The following TAF15 variants were observed in gnomAD, a reference collection of about 807,000 sequenced individuals.
TAF15 encodes TATA-binding protein-associated factor 2N.
In TAF15, 37 loss-of-function variants were observed where a neutral mutation model predicts 102.5. That is an observed-to-expected ratio of 0.36 (90% CI 0.28 to 0.47). TAF15 has a LOEUF of 0.47. Ranked by LOEUF, TAF15 falls within the 20% of genes least tolerant of loss-of-function variation. The probability of loss-of-function intolerance (pLI) is 0.99; values close to 1 mark genes in which losing one functional copy is unlikely to be tolerated. For missense variants in TAF15, 652 were observed against 760.7 expected (o/e 0.86, Z 1.68); for synonymous variants, 273 against 259.2 (o/e 1.05, Z -0.51).
chr17:35,826,724 ATTTTTTTTTTTT>A, intron 7 of TAF15, among the ~76,000 whole-genome samples: 1 of 127,972 alleles, frequency 7.8e-6, no homozygotes, highest in Admixed American at 7.9e-5. Context: ...CACCCGGCTA[ATTTTTTTTTTTT>A]TTTTTTTTTT....
chr17:35,837,369 G>A (rs1312175064), intron 10 of TAF15, among the ~76,000 whole-genome samples: 1 of 150,542 alleles, frequency 6.6e-6, no homozygotes, highest in Non-Finnish European at 1.5e-5. Flanking sequence ...TGCCCAGGCT[G>A]GTCTTGAGCT....
intron 1 of TAF15, among the ~76,000 whole-genome samples, chr17:35,813,203 T>G (rs917708194): frequency 6.7e-6 from 1 of 150,114 alleles, no homozygotes; most frequent in East Asian, 2.0e-4. Context: ...ACGTTTAGAA[T>G]TAATTAGGAA....
In TAF15 at chr17:35,846,951, G is replaced by GT. The variant is rs2087630615; in HGVS notation, c.*10dup. On this transcript the variant is annotated 3_prime_UTR_variant, in exon 16 of 16. Coordinates refer to ENST00000605844, the MANE Select transcript of TAF15 (RefSeq NM_139215.3). Reference sequence around the variant, plus strand: ...AGCGCAACCGACCATACTGATGACTGTTTTGAATGTTCCTTTGTCTCTGAC... The same window carrying GT: ...AGCGCAACCGACCATACTGATGACTGTTTTTGAATGTTCCTTTGTCTCTGAC... 6.2e-7 allele frequency: 1 copy of GT among 1,613,860 alleles called. No homozygotes were observed.
chr17:35,817,966 A>G (rs2087214308), intron 2 of TAF15, among the ~76,000 whole-genome samples: 1 of 152,222 alleles, frequency 6.6e-6, no homozygotes, highest in Non-Finnish European at 1.5e-5. Flanking sequence ...TGTTTTGCTC[A>G]GGCTGGAGTG....
chr17:35,840,637 A>G (rs1189025878), intron 11 of TAF15, among the ~76,000 whole-genome samples: 2 of 151,832 alleles, frequency 1.3e-5, no homozygotes, highest in South Asian at 2.1e-4. Flanking sequence ...AGGCTGAGGC[A>G]GGTGGATCAC....
chr17:35,845,711 A>G (rs4251791), intron 15 of TAF15, among the ~76,000 whole-genome samples: 40,559 of 151,950 alleles, frequency 0.27, 6,410 homozygotes, highest in African/African-American at 0.44. Context: ...GGGTTTCACC[A>G]TGTTAGACCT....
chr17:35,834,740 CTTTTTTTT>C lies in TAF15; in HGVS notation c.673+157_673+164del, dbSNP rs533058888. On this transcript the variant is annotated intron_variant, in intron 9 of 15. Coordinates refer to ENST00000605844, the MANE Select transcript of TAF15 (RefSeq NM_139215.3). ...CTGCCAGAACTGGGGAGCTTTATTTCTTTTTTTTTTTTTTTTTTTTTTGAGATGGAGTT... is the reference window on the plus strand; with the variant it reads ...CTGCCAGAACTGGGGAGCTTTATTTCTTTTTTTTTTTTTTGAGATGGAGTT... 15 of 236,400 alleles carry C rather than the reference CTTTTTTTT, an allele frequency of 6.3e-5. 1 individual carries two copies. Among genetic ancestry groups the C allele is most frequent in the African/African-American group, 4.1e-4 (8 of 19,380 alleles). 14.6% of individuals were successfully genotyped at this position (236,400 alleles called of 1,614,324 possible).
chr17:35,812,256 G>A lies in TAF15; in HGVS notation c.7+2680G>A, dbSNP rs551181837. 5.9e-5 allele frequency among the ~76,000 whole-genome samples: 9 copies of A among 152,232 alleles called. 1 individual carries two copies. The highest frequency in any genetic ancestry group is 3.9e-4 in the East Asian group (2 of 5,190). The stretch of plus-strand genomic sequence containing the variant: ...CCAGGAAACTTTAAGACAAATTAAC[G>A]TAAAAATGGTTTCTGGGCTGGTAAT... On this transcript the variant is annotated intron_variant, in intron 1 of 15. Transcript: ENST00000605844.
At chr17:35,821,358 AT>A (rs971847386) in intron 5 of TAF15, among the ~76,000 whole-genome samples, 4 of 152,190 alleles carry the variant, frequency 2.6e-5, no homozygotes, top group Non-Finnish European at 5.9e-5. Flanking sequence ...TTAGTTTTAA[AT>A]TTAAGGAGAA....
At position 35,841,325 on chromosome 17, in the gene TAF15, A is replaced by G. The variant is rs572785204; in HGVS notation, c.914-1042A>G. 2.0e-5 allele frequency among the ~76,000 whole-genome samples: 3 copies of G among 152,372 alleles called. No homozygotes were observed. The South Asian group carries it at 6.2e-4, about 32-fold the overall frequency. Reference sequence around the variant, plus strand: ...ATGTGTAGATAAATACGTACATGTTACTGCACTTGCGCACGTATTCATTCC... The same window carrying G: ...ATGTGTAGATAAATACGTACATGTTGCTGCACTTGCGCACGTATTCATTCC... On this transcript the variant is annotated intron_variant, in intron 11 of 15. Coordinates refer to ENST00000605844, the MANE Select transcript of TAF15 (RefSeq NM_139215.3).
intron 7 of TAF15, among the ~76,000 whole-genome samples, chr17:35,829,084 C>CTTA (rs2087366224): frequency 6.6e-6 from 1 of 152,102 alleles, no homozygotes; most frequent in Admixed American, 6.6e-5. Context: ...CATTGAGTCA[C>CTTA]TTAAATGTGG....
At chr17:35,811,574 C>T (rs188275824) in intron 1 of TAF15, 1 of 151,976 alleles carries the variant, frequency 6.6e-6, no homozygotes, top group East Asian at 1.9e-4. Context: ...TATTAAAATC[C>T]CCCAAAACAA....
intron 5 of TAF15, among the ~76,000 whole-genome samples, 185 bp from the exon 6 acceptor site, chr17:35,822,455 G>A (rs983650343): frequency 6.6e-6 from 1 of 151,694 alleles, no homozygotes; most frequent in African/African-American, 2.4e-5. Context: ...CCTCTTCAAT[G>A]TTGGCAGAAT....
intron 10 of TAF15, 104 bp from the exon 11 acceptor site, chr17:35,838,316 TATGA>T: frequency 7.0e-7 from 1 of 1,433,302 alleles, no homozygotes. Context: ...TATTTTATAG[TATGA>T]ATGTGTGAAT....
intron 1 of TAF15, chr17:35,809,821 C>G (rs1459630885): frequency 1.7e-6 from 1 of 603,312 alleles, no homozygotes; most frequent in African/African-American, 1.9e-5. Context: ...CCTTGGAACC[C>G]GAGGAGACTT....
intron 7 of TAF15, among the ~76,000 whole-genome samples, chr17:35,833,038 T>C (rs1244403962): frequency 6.6e-6 from 1 of 151,926 alleles, no homozygotes; most frequent in Non-Finnish European, 1.5e-5. Context: ...GCATCTGTAA[T>C]CCCAGCTACT....
chr17:35,819,991 A>AT (rs770321893), intron 2 of TAF15, 33 bp from the exon 3 acceptor site: 2 of 1,603,302 alleles, frequency 1.2e-6, no homozygotes, highest in East Asian at 4.5e-5. Flanking sequence ...ATTTCTACAC[A>AT]TTTCTTTCAA....
Position 35,820,199 on chromosome 17 carries a change from T to G in TAF15, c.135T>G (p.Ser45=). 6.2e-7 allele frequency: 1 copy of G among 1,614,082 alleles called. No homozygotes were observed. The highest frequency in any genetic ancestry group is 8.5e-7 in the Non-Finnish European group (1 of 1,179,954). Residue 45 remains serine, a synonymous_variant, in exon 4 of 16, where the codon TCT becomes TCG. Coordinates refer to ENST00000605844, the MANE Select transcript of TAF15 (RefSeq NM_139215.3). ...YSGYGQTTDS[S]YGQNYSGYSS... The stretch of plus-strand genomic sequence containing the variant: ...GCTATGGGCAAACGACTGATTCCTC[T>G]TATGGACAGAACTACAGCGGTTACT...
At chr17:35,812,158 A>G (rs1358557911) in intron 1 of TAF15, among the ~76,000 whole-genome samples, 3 of 152,204 alleles carry the variant, frequency 2.0e-5, no homozygotes, top group African/African-American at 4.8e-5. Flanking sequence ...ACTGTACATT[A>G]TGTGAAGGAA....
Sources: gnomAD v4.1 joint callset for allele counts (sites outside exome capture counted in the v4.1 genomes callset) on GRCh38, gnomAD v4.1.1 for gene constraint, MANE v1.5 for transcripts, NCBI Gene and HGNC (gene_info 2026-07-23, HGNC 2026-07-21) for gene names.